Variants in ADAMTS17 observed in about 807,000 individuals in gnomAD.
ADAMTS17 encodes the protein A disintegrin and metalloproteinase with thrombospondin motifs 17.
In ADAMTS17, 113 loss-of-function variants were observed where a neutral mutation model predicts 141.5. That is an observed-to-expected ratio of 0.80 (90% CI 0.69 to 0.93). The LOEUF (loss-of-function observed/expected upper bound fraction) is 0.93, where lower values mean the gene tolerates loss of function less well. Among genes scored for constraint, ADAMTS17 ranks in the 40% least tolerant of loss-of-function variants. The pLI, the probability that ADAMTS17 is intolerant of heterozygous loss-of-function variation, is 0.00. For synonymous variants in ADAMTS17, 768 were observed against 630.6 expected (o/e 1.22, Z -3.27); for missense variants, 1,659 against 1,517.9 (o/e 1.09, Z -1.54).
At chr15:100,153,909 G>C (rs140858275) in intron 9 of ADAMTS17, among the ~76,000 whole-genome samples, 1 of 152,104 alleles carries the variant, frequency 6.6e-6, no homozygotes, top group African/African-American at 2.4e-5. Context: ...GGCCGGGCGC[G>C]GTAGCTCACA....
chr15:100,046,102 T>A (rs10152328), intron 18 of ADAMTS17, among the ~76,000 whole-genome samples: 11,546 of 152,164 alleles, frequency 0.076, 1,422 homozygotes, highest in African/African-American at 0.25. Context: ...GCTGATCTCG[T>A]ACTCCTGACC....
chr15:100,318,552 A>G (rs1235172991), intron 3 of ADAMTS17, among the ~76,000 whole-genome samples: 1 of 152,220 alleles, frequency 6.6e-6, no homozygotes, highest in African/African-American at 2.4e-5. Flanking sequence ...TGAGGCTGCT[A>G]GTACCTTGAT....
intron 8 of ADAMTS17, among the ~76,000 whole-genome samples, chr15:100,169,810 T>G (rs529286267): frequency 2.3e-4 from 35 of 152,220 alleles, no homozygotes; most frequent in Non-Finnish European, 4.4e-5. Context: ...GGGACTCGCC[T>G]GCAACACAGC....
At chr15:100,323,297 G>T (rs1347692536) in intron 3 of ADAMTS17, among the ~76,000 whole-genome samples, 1 of 151,970 alleles carries the variant, frequency 6.6e-6, no homozygotes, top group Non-Finnish European at 1.5e-5. Context: ...CACTTTAAAG[G>T]GGTTAAATAA....
chr15:100,333,209 A>AC (rs1325847702), intron 2 of ADAMTS17, among the ~76,000 whole-genome samples: 4 of 151,676 alleles, frequency 2.6e-5, no homozygotes, highest in African/African-American at 9.7e-5. Context: ...CCTTTTCACG[A>AC]CCTAACGGTT....
At chr15:100,138,071 C>G (rs1258389026) in intron 10 of ADAMTS17, among the ~76,000 whole-genome samples, 4 of 152,198 alleles carry the variant, frequency 2.6e-5, no homozygotes, top group Non-Finnish European at 5.9e-5. Context: ...TGGGGCTGGC[C>G]TATCTCAGAT....
At chr15:100,049,139 T>G in intron 17 of ADAMTS17, 147 bp from the exon 18 acceptor site, 2 of 1,255,292 alleles carry the variant, frequency 1.6e-6, no homozygotes. Context: ...TGTGGGTTTT[T>G]AGAGAGGAAG....
chr15:100,112,460 G>A lies in ADAMTS17; in HGVS notation c.1889-3344C>T, dbSNP rs1247464701. ...AAACTATATGGCATGATCTCCCAAAGGATAAGGTTTTTAAAATGTGAGGAG... is the reference window on the plus strand; with the variant it reads ...AAACTATATGGCATGATCTCCCAAAAGATAAGGTTTTTAAAATGTGAGGAG... On this transcript the variant is annotated intron_variant, in intron 13 of 21. Coordinates refer to ENST00000268070, the MANE Select transcript of ADAMTS17 (RefSeq NM_139057.4). 2.6e-5 allele frequency among the ~76,000 whole-genome samples: 4 copies of A among 152,040 alleles called. 1 individual carries two copies. Among genetic ancestry groups the A allele is most frequent in the African/African-American group, 9.7e-5 (4 of 41,386 alleles).
At chr15:100,101,774 G>C (rs529071127) in intron 14 of ADAMTS17, among the ~76,000 whole-genome samples, 1 of 152,298 alleles carries the variant, frequency 6.6e-6, no homozygotes, top group South Asian at 2.1e-4. Flanking sequence ...GATGGTACTT[G>C]TTTTTTCTGG....
chr15:100,119,590 C>T (rs74037388), intron 12 of ADAMTS17, among the ~76,000 whole-genome samples: 8,992 of 152,240 alleles, frequency 0.059, 849 homozygotes, highest in African/African-American at 0.19. Flanking sequence ...CTAACCCGCA[C>T]ACAACAATTA....
intron 6 of ADAMTS17, among the ~76,000 whole-genome samples, chr15:100,255,906 G>A (rs2043311499): frequency 6.6e-6 from 1 of 152,172 alleles, no homozygotes; most frequent in Admixed American, 6.5e-5. Flanking sequence ...AGACCCCGAG[G>A]TACCACCCAC....
rs561674015 is a variant in ADAMTS17, at chr15:100,073,476, C to T, written c.2138-19422G>A. Among the ~76,000 whole-genome samples the T allele has an allele frequency of 1.6e-3, 238 of 151,884 alleles. 1 individual carries two copies. In the Middle Eastern group the frequency reaches 0.024, roughly 15 times the overall value. On this transcript the variant is annotated intron_variant, in intron 15 of 21. Transcript: ENST00000268070. ...GACACATGCACACGTATGTTTATTG[C>T]GGCACTATTCACAATAGCAAAGACT...
intron 3 of ADAMTS17, among the ~76,000 whole-genome samples, chr15:100,327,733 A>G (rs567674098): frequency 6.6e-6 from 1 of 152,372 alleles, no homozygotes; most frequent in African/African-American, 2.4e-5. Flanking sequence ...TTAGTTTGCC[A>G]AGTTCCAACC....
In ADAMTS17 at chr15:100,261,550, G is replaced by A; in HGVS notation, c.960C>T (p.Tyr320=). 5 of 1,614,152 alleles carry A rather than the reference G, an allele frequency of 3.1e-6. No individual in the cohort carries two copies. Among genetic ancestry groups the A allele is most frequent in the East Asian group, 2.2e-5 (1 of 44,868 alleles). ...CGCCGGGAACCTGGTTATTGCCGAG[G>A]TATCGCGCTCCTCCATACTCCTCGT... is the stretch of plus-strand genomic sequence containing the variant. ...WQNEEYGGAR[Y]LGNNQVPGGK... is the part of the protein sequence containing the mutation. The change falls in exon 6 of 22, where the codon TAC becomes TAT. Residue 320 remains tyrosine (Y), a synonymous_variant. Coordinates refer to ENST00000268070, the MANE Select transcript of ADAMTS17 (RefSeq NM_139057.4).
At chr15:100,028,198 G>A (rs1253934513) in intron 18 of ADAMTS17, among the ~76,000 whole-genome samples, 1 of 152,182 alleles carries the variant, frequency 6.6e-6, no homozygotes, top group African/African-American at 2.4e-5. Context: ...GACAGGCGCA[G>A]AATGTTCTCA....
At chr15:100,068,610 G>T (rs922154599) in intron 15 of ADAMTS17, among the ~76,000 whole-genome samples, 3 of 152,238 alleles carry the variant, frequency 2.0e-5, no homozygotes, top group African/African-American at 7.2e-5. Context: ...CCGTTGTTCT[G>T]CAGCCTCTGC....
chr15:100,341,453 G>C, intron 1 of ADAMTS17, 44 bp from the exon 2 acceptor site: 1 of 1,008,192 alleles, frequency 9.9e-7, no homozygotes, highest in Non-Finnish European at 1.2e-6. Context: ...GGGCCCGCCC[G>C]GACGCCCGCC....
At chr15:100,341,004 C>G in intron 2 of ADAMTS17, 35 bp downstream of exon 2, 3 of 1,524,334 alleles carry the variant, frequency 2.0e-6, no homozygotes, top group Non-Finnish European at 2.6e-6. Flanking sequence ...CGCAACAGAC[C>G]GGACGGGCCG....
At chr15:100,148,896 A>T (rs918536662) in intron 10 of ADAMTS17, among the ~76,000 whole-genome samples, 5 of 152,018 alleles carry the variant, frequency 3.3e-5, no homozygotes, top group African/African-American at 1.2e-4. Context: ...GAAGAGTGGC[A>T]GGGAGGAGGA....
Sources: gnomAD v4.1 joint callset for allele counts (sites outside exome capture counted in the v4.1 genomes callset) on GRCh38, gnomAD v4.1.1 for gene constraint, MANE v1.5 for transcripts, NCBI Gene and HGNC (gene_info 2026-07-23, HGNC 2026-07-21) for gene names.